The following DDX4 variants were observed in gnomAD, a reference collection of about 807,000 sequenced individuals.
DDX4 encodes DEAD-box helicase 4.
Under a neutral mutation model 100.0 loss-of-function variants are expected in DDX4, and 25 were observed. The observed-to-expected ratio is 0.25, with a 90% CI of 0.18 to 0.35. The LOEUF is 0.35. Among genes scored for constraint, DDX4 ranks in the 10% least tolerant of loss-of-function variants. The pLI is 1.00. For synonymous variants in DDX4, 259 were observed against 275.7 expected (o/e 0.94, Z 0.60); for missense variants, 635 against 882.4 (o/e 0.72, Z 3.55).
intron 18 of DDX4, among the ~76,000 whole-genome samples, chr5:55,810,041 AC>A (rs561082593): frequency 8.5e-4 from 129 of 152,266 alleles, no homozygotes; most frequent in African/African-American, 1.2e-3. Context: ...ACACACACAC[AC>A]ACAAAAAATA....
At chr5:55,749,064 A>G (rs1481235880) in intron 3 of DDX4, among the ~76,000 whole-genome samples, 3 of 152,194 alleles carry the variant, frequency 2.0e-5, no homozygotes, top group African/African-American at 7.2e-5. Context: ...CCTTCTAAAC[A>G]ACTGGTATTA....
At chr5:55,812,819 G>A (rs1156341656) in intron 18 of DDX4, among the ~76,000 whole-genome samples, 4 of 151,320 alleles carry the variant, frequency 2.6e-5, no homozygotes, top group African/African-American at 7.3e-5. Flanking sequence ...TACTAAATGC[G>A]TAATATTTAT....
intron 17 of DDX4, among the ~76,000 whole-genome samples, chr5:55,793,023 AGTGTGTGT>A (rs10551567): frequency 2.1e-4 from 31 of 144,762 alleles, no homozygotes; most frequent in East Asian, 6.1e-4. Context: ...TTATTTAAAA[AGTGTGTGT>A]GTGTGTGTGT....
At chr5:55,812,328 G>A (rs1744166264) in intron 18 of DDX4, among the ~76,000 whole-genome samples, 1 of 152,136 alleles carries the variant, frequency 6.6e-6, no homozygotes. Context: ...TTGGGAGGCC[G>A]AGGCGGGCGG....
chr5:55,760,634 C>G (rs942847242), intron 4 of DDX4, among the ~76,000 whole-genome samples: 3 of 152,028 alleles, frequency 2.0e-5, no homozygotes, highest in African/African-American at 7.2e-5. Flanking sequence ...GAGAGGGACT[C>G]TTTCTTGAAT....
intron 4 of DDX4, among the ~76,000 whole-genome samples, chr5:55,760,912 C>A (rs990626535): frequency 6.6e-6 from 1 of 152,058 alleles, no homozygotes; most frequent in Non-Finnish European, 1.5e-5. Context: ...TCCATACGGT[C>A]ATTTTTTTAT....
chr5:55,747,377 AAAAAAC>A (rs1463062696), intron 3 of DDX4, among the ~76,000 whole-genome samples: 1 of 152,154 alleles, frequency 6.6e-6, no homozygotes, highest in Non-Finnish European at 1.5e-5. Context: ...ACTCTGTCTC[AAAAAAC>A]AAAAACAAAA....
intron 3 of DDX4, among the ~76,000 whole-genome samples, chr5:55,753,348 G>A (rs1047666417): frequency 4.6e-5 from 7 of 152,174 alleles, no homozygotes; most frequent in South Asian, 4.2e-4. Context: ...TGATTTTTGT[G>A]TAAGGTGTAA....
chr5:55,760,144 G>A, intron 3 of DDX4, 56 bp from the exon 4 acceptor site: 1 of 1,521,696 alleles, frequency 6.6e-7, no homozygotes, highest in Non-Finnish European at 8.8e-7. Context: ...CTTAAGGTTT[G>A]CAAGTACTAG....
chr5:55,763,338 A>G, intron 5 of DDX4, 86 bp downstream of exon 5: 2 of 862,448 alleles, frequency 2.3e-6, no homozygotes, highest in Non-Finnish European at 4.0e-6. Flanking sequence ...CAGACATTCC[A>G]TATTGACATT....
intron 16 of DDX4, 43 bp from the exon 17 acceptor site, chr5:55,792,598 C>G (rs368814716): frequency 1.0e-6 from 1 of 982,084 alleles, no homozygotes; most frequent in Non-Finnish European, 1.4e-6. Flanking sequence ...TTAATATAAA[C>G]TAATATGCAT....
chr5:55,798,694 T>A, intron 18 of DDX4, 123 bp downstream of exon 18: 1 of 799,122 alleles, frequency 1.3e-6, no homozygotes, highest in Non-Finnish European at 1.8e-6. Flanking sequence ...TCTCTCCCTC[T>A]AAAGCTCTTT....
chr5:55,812,421 G>T (rs1172269465), intron 18 of DDX4, among the ~76,000 whole-genome samples: 1 of 152,124 alleles, frequency 6.6e-6, no homozygotes, highest in Non-Finnish European at 1.5e-5. Flanking sequence ...AAAATTAGCT[G>T]GGTGTGGTGG....
chr5:55,781,670 A>G (rs1741921877), intron 9 of DDX4, among the ~76,000 whole-genome samples: 1 of 151,980 alleles, frequency 6.6e-6, no homozygotes, highest in South Asian at 2.1e-4. Context: ...CCAGCTACTC[A>G]GATGCCTGAG....
chr5:55,798,597 G>C (rs1237553325), intron 18 of DDX4, 26 bp downstream of exon 18: 4 of 1,549,516 alleles, frequency 2.6e-6, no homozygotes, highest in Non-Finnish European at 3.5e-6. Flanking sequence ...ACATTTTTTT[G>C]TCATGATTTT....
intron 16 of DDX4, among the ~76,000 whole-genome samples, chr5:55,791,634 T>G (rs1742568674): frequency 6.6e-6 from 1 of 152,236 alleles, no homozygotes; most frequent in African/African-American, 2.4e-5. Context: ...GATATTTTCT[T>G]TCTTACATTA....
intron 5 of DDX4, 111 bp from the exon 6 acceptor site, chr5:55,763,903 A>G (rs1324040888): frequency 1.9e-5 from 14 of 741,344 alleles, no homozygotes; most frequent in Non-Finnish European, 2.4e-5. Flanking sequence ...ATAGCTATGT[A>G]TACAATTGTG....
chr5:55,794,154 T>C (rs1017546726), intron 17 of DDX4, among the ~76,000 whole-genome samples: 5 of 152,108 alleles, frequency 3.3e-5, no homozygotes, highest in East Asian at 3.9e-4. Context: ...AAAACAATCA[T>C]TTCTTAACAA....
intron 21 of DDX4, 51 bp from the exon 22 acceptor site, chr5:55,816,411 TA>T: frequency 6.5e-7 from 1 of 1,539,594 alleles, no homozygotes; most frequent in South Asian, 1.2e-5. Context: ...AAAGCTGTCA[TA>T]AAATTAAATG....
Sources: gnomAD v4.1 joint callset for allele counts (sites outside exome capture counted in the v4.1 genomes callset) on GRCh38, gnomAD v4.1.1 for gene constraint, MANE v1.5 for transcripts, NCBI Gene and HGNC (gene_info 2026-07-23, HGNC 2026-07-21) for gene names.